Variants in CRISPLD2 observed in about 807,000 individuals in gnomAD.
CRISPLD2 encodes the protein cysteine-rich secretory protein LCCL domain-containing 2.
In CRISPLD2, 47 loss-of-function variants were observed where a neutral mutation model predicts 71.1. That is an observed-to-expected ratio of 0.66 (90% CI 0.52 to 0.84). The LOEUF (loss-of-function observed/expected upper bound fraction) is 0.84, where lower values mean the gene tolerates loss of function less well. Among genes scored for constraint, CRISPLD2 ranks in the 40% least tolerant of loss-of-function variants. CRISPLD2 has a pLI of 0.00. For missense variants in CRISPLD2, 830 were observed against 651.1 expected, an observed-to-expected ratio of 1.27 and a Z score of -2.99; for synonymous variants, 317 against 250.1, an observed-to-expected ratio of 1.27 and a Z score of -2.52.
chr16:84,833,421 C>T (rs922760297), intron 1 of CRISPLD2, among the ~76,000 whole-genome samples: 2 of 152,276 alleles, frequency 1.3e-5, no homozygotes, highest in Non-Finnish European at 2.9e-5. Flanking sequence ...CTGTGTTGTC[C>T]CGCGGTCCCT....
chr16:84,830,158 A>G (rs1486227888), intron 1 of CRISPLD2, among the ~76,000 whole-genome samples: 1 of 151,976 alleles, frequency 6.6e-6, no homozygotes, highest in African/African-American at 2.4e-5. Context: ...CCCCTTTTCT[A>G]CTATAAATAC....
At chr16:84,845,167 C>A (rs2143196366) in intron 2 of CRISPLD2, among the ~76,000 whole-genome samples, 1 of 152,306 alleles carries the variant, frequency 6.6e-6, no homozygotes. Flanking sequence ...GGCTGTGGGA[C>A]CCAGGGAAAA....
rs756544146 is a variant in CRISPLD2, at chr16:84,889,277, C to T, written c.1353C>T (p.Asn451=). 39 of 1,613,920 alleles carry T rather than the reference C, an allele frequency of 2.4e-5. No homozygotes were observed. The highest frequency in any genetic ancestry group is 2.9e-5 in the Non-Finnish European group (34 of 1,180,006). ...CCGTGCACGCGGGAGTCATCAGCAA[C>T]GAGAGTGGGGGTGACGTGGACGTGA... ...KTAVHAGVIS[N]ESGGDVDVMP... is the part of the protein sequence containing the mutation. The change falls in exon 14 of 15, where the codon AAC becomes AAT. Residue 451 remains asparagine (N), a synonymous_variant. Transcript: ENST00000262424.
intron 2 of CRISPLD2, among the ~76,000 whole-genome samples, chr16:84,845,145 G>T (rs553691276): frequency 6.0e-4 from 91 of 152,332 alleles, no homozygotes; most frequent in Non-Finnish European, 1.1e-3. Context: ...TTCAGATCCT[G>T]GTTCTGTGAC....
intron 2 of CRISPLD2, chr16:84,838,967 A>G: frequency 1.5e-6 from 1 of 681,690 alleles, no homozygotes; most frequent in East Asian, 2.9e-5. Flanking sequence ...TCATGCCCTG[A>G]AACCTTAGAC....
At chr16:84,866,131 G>C (rs1274548258) in intron 6 of CRISPLD2, among the ~76,000 whole-genome samples, 1 of 152,170 alleles carries the variant, frequency 6.6e-6, no homozygotes, top group Non-Finnish European at 1.5e-5. Context: ...GCACCGTGAT[G>C]TGTGCATGAT....
At chr16:84,879,452 T>A (rs1489454064) in intron 12 of CRISPLD2, among the ~76,000 whole-genome samples, 2 of 151,134 alleles carry the variant, frequency 1.3e-5, no homozygotes, top group African/African-American at 4.9e-5. Context: ...AACCTCTGCC[T>A]CCCAGATTCA....
Position 84,845,614 on chromosome 16 carries a change from G to T in CRISPLD2, c.241-172G>T, listed in dbSNP as rs573431426. On this transcript the variant is annotated intron_variant, in intron 2 of 14. Coordinates refer to ENST00000262424, the MANE Select transcript of CRISPLD2 (RefSeq NM_031476.4). ...GAGGCCTGAGGATAGGCTTGGAGCC[G>T]GCACGTCTGGCCTGCCACGCCCCCC... Among the ~76,000 whole-genome samples the T allele has an allele frequency of 5.9e-5, 9 of 152,370 alleles. No individual in the cohort carries two copies. The South Asian group carries it at 1.9e-3, about 32-fold the overall frequency.
rs11371326 is a variant in CRISPLD2 at position 84,883,842 on chromosome 16, ATT to A, written c.1305+3276_1305+3277del. Among the ~76,000 whole-genome samples, 187 of 133,078 alleles carry A rather than the reference ATT, an allele frequency of 1.4e-3. 1 individual carries two copies. Among genetic ancestry groups the A allele is most frequent in the African/African-American group, 4.7e-3 (169 of 35,986 alleles). 87.3% of individuals were successfully genotyped at this position (133,078 alleles called of 152,430 possible). On this transcript the variant is annotated intron_variant, in intron 13 of 14. Coordinates refer to ENST00000262424, the MANE Select transcript of CRISPLD2 (RefSeq NM_031476.4). Reference sequence around the variant, plus strand: ...TGCGTTAAGCCTGGGGTCTTATTTAATTTTTTTTTTTTTTTTTTTGAGACGGA... The same window carrying A: ...TGCGTTAAGCCTGGGGTCTTATTTAATTTTTTTTTTTTTTTTTGAGACGGA...
intron 14 of CRISPLD2, among the ~76,000 whole-genome samples, chr16:84,904,950 T>C (rs905378906): frequency 3.3e-5 from 5 of 152,176 alleles, no homozygotes; most frequent in Non-Finnish European, 1.5e-5. Context: ...AATTGATAAA[T>C]TGTATTCTAT....
At chr16:84,847,039 C>G (rs933419167) in intron 3 of CRISPLD2, among the ~76,000 whole-genome samples, 1 of 152,242 alleles carries the variant, frequency 6.6e-6, no homozygotes, top group South Asian at 2.1e-4. Flanking sequence ...CAACCTGTGA[C>G]CGTGCCATGC....
intron 12 of CRISPLD2, among the ~76,000 whole-genome samples, chr16:84,879,370 T>C (rs2071548319): frequency 6.6e-6 from 1 of 151,888 alleles, no homozygotes; most frequent in African/African-American, 2.4e-5. Context: ...TCTTTTTTTT[T>C]TTTTTTTTTG....
At chr16:84,877,083 C>T (rs1324369964) in intron 11 of CRISPLD2, among the ~76,000 whole-genome samples, 1 of 152,194 alleles carries the variant, frequency 6.6e-6, no homozygotes, top group Non-Finnish European at 1.5e-5. Context: ...CTTCCATTTC[C>T]TCATCTGCCT....
chr16:84,906,572 T>C lies in CRISPLD2; in HGVS notation c.1440-16T>C. On this transcript the variant is annotated splice_polypyrimidine_tract_variant and intron_variant, in intron 14 of 14. Transcript: ENST00000262424. ...CAGATCTCTCAGTAACGGGCCCTCT[T>C]TCTTCTTTTTTTCAGCCTGGGGACT... 6.2e-7 allele frequency: 1 copy of C among 1,611,718 alleles called. No individual in the cohort carries two copies. The highest frequency in any genetic ancestry group is 1.1e-5 in the South Asian group (1 of 90,992).
chr16:84,847,246 G>A lies in CRISPLD2; in HGVS notation c.359+1342G>A, dbSNP rs375742377. On this transcript the variant is annotated intron_variant, in intron 3 of 14. Transcript: ENST00000262424. Reference sequence around the variant, plus strand: ...GGCAGCCGCACCTTCCTCTGCATCCGTGGGTTTTCAGGACAAACCTGGGCA... The same window carrying A: ...GGCAGCCGCACCTTCCTCTGCATCCATGGGTTTTCAGGACAAACCTGGGCA... 2.0e-4 allele frequency among the ~76,000 whole-genome samples: 30 copies of A among 152,334 alleles called. 2 individuals carry two copies. The highest frequency in any genetic ancestry group is 9.2e-4 in the Admixed American group (14 of 15,292).
intron 5 of CRISPLD2, among the ~76,000 whole-genome samples, chr16:84,853,996 G>T (rs1311627164): frequency 6.6e-6 from 1 of 152,232 alleles, no homozygotes; most frequent in Non-Finnish European, 1.5e-5. Context: ...GAAAGCCTAT[G>T]GTGCGGCCTC....
At chr16:84,880,478 A>C (rs1199501969) in intron 12 of CRISPLD2, 31 bp from the exon 13 acceptor site, 1 of 1,591,514 alleles carries the variant, frequency 6.3e-7, no homozygotes, top group South Asian at 1.1e-5. Flanking sequence ...CTGTGCTCAG[A>C]CCCATCACAT....
chr16:84,896,378 A>G (rs1439790466), intron 14 of CRISPLD2, among the ~76,000 whole-genome samples: 2 of 152,048 alleles, frequency 1.3e-5, no homozygotes, highest in South Asian at 4.2e-4. Context: ...AAAAAAGACT[A>G]TATATAGAGA....
chr16:84,862,635 C>G (rs1917415784), intron 6 of CRISPLD2, among the ~76,000 whole-genome samples: 1 of 145,360 alleles, frequency 6.9e-6, no homozygotes, highest in Admixed American at 6.9e-5. Flanking sequence ...TGGGGCATGG[C>G]TGGTCCATGG....
Sources: allele counts gnomAD v4.1 joint callset (sites outside exome capture counted in the v4.1 genomes callset), GRCh38; gene constraint gnomAD v4.1.1; transcripts MANE v1.5; gene names NCBI Gene and HGNC (gene_info 2026-07-23, HGNC 2026-07-21).